The following GRIA4 variants were observed in gnomAD, a reference collection of about 807,000 sequenced individuals.
GRIA4 encodes glutamate ionotropic receptor AMPA type subunit 4.
GRIA4 carries 34 observed loss-of-function variants against 104.0 expected under a neutral mutation model. The ratio of observed to expected loss-of-function variants is 0.33; its 90% CI spans 0.25 to 0.44. The LOEUF is 0.44. Ranked by LOEUF, GRIA4 falls within the 20% of genes least tolerant of loss-of-function variation. The pLI is 1.00. For synonymous variants in GRIA4, 386 were observed against 381.9 expected (o/e 1.01, Z -0.13); for missense variants, 750 against 1,096.5 (o/e 0.68, Z 4.46).
In GRIA4 at chr11:105,689,228, T is replaced by C. The variant is rs150564766; in HGVS notation, c.248-63753T>C. On this transcript the variant is annotated intron_variant, in intron 3 of 16. Transcript: ENST00000282499. Reference sequence around the variant, plus strand: ...TGGAATTTGGTGAAATTGGAGAAAGTGTAATTTGGCAAAAGGGAAAGTGTA... The same window carrying C: ...TGGAATTTGGTGAAATTGGAGAAAGCGTAATTTGGCAAAAGGGAAAGTGTA... Among the ~76,000 whole-genome samples, 1,302 of 152,046 alleles carry C rather than the reference T, an allele frequency of 8.6e-3. 31 individuals carry two copies. The highest frequency in any genetic ancestry group is 0.03 in the African/African-American group (1,231 of 41,496).
intron 5 of GRIA4, among the ~76,000 whole-genome samples, chr11:105,871,156 A>C (rs1041031899): frequency 2.0e-5 from 3 of 152,134 alleles, no homozygotes; most frequent in Non-Finnish European, 4.4e-5. Flanking sequence ...ATATAATGCC[A>C]TATAGTGATA....
chr11:105,923,106 A>T (rs1214051041), intron 11 of GRIA4, among the ~76,000 whole-genome samples: 2 of 152,096 alleles, frequency 1.3e-5, no homozygotes, highest in African/African-American at 4.8e-5. Context: ...CACTGTATAG[A>T]ACCAGGAGCC....
intron 16 of GRIA4, among the ~76,000 whole-genome samples, chr11:105,978,971 TAC>T (rs1859134581): frequency 6.6e-6 from 1 of 152,172 alleles, no homozygotes; most frequent in African/African-American, 2.4e-5. Flanking sequence ...CCCTTTTAAA[TAC>T]AGTTCTTAAA....
intron 14 of GRIA4, among the ~76,000 whole-genome samples, chr11:105,937,601 C>CT (rs549202643): frequency 4.3e-4 from 65 of 152,116 alleles, no homozygotes; most frequent in African/African-American, 1.5e-3. Context: ...TCCTCTGGCG[C>CT]TTAGAATGAT....
At chr11:105,905,790 T>C (rs1350670169) in intron 9 of GRIA4, among the ~76,000 whole-genome samples, 1 of 152,142 alleles carries the variant, frequency 6.6e-6, no homozygotes, top group East Asian at 1.9e-4. Flanking sequence ...GGTAAGATTA[T>C]TATTAGGCTG....
rs1360162920 is a variant in GRIA4 at position 105,637,878 on chromosome 11, CT to C, written c.247+25446del. On this transcript the variant is annotated intron_variant, in intron 3 of 16. Coordinates refer to ENST00000282499, the MANE Select transcript of GRIA4 (RefSeq NM_000829.4). ...TGCAAATGACCATGAAGGAGGATGG[CT>C]TATCACCGATGAAAAACTGGTTGCA... is the stretch of plus-strand genomic sequence containing the variant. Among the ~76,000 whole-genome samples, 4 of 152,088 alleles carry C rather than the reference CT, an allele frequency of 2.6e-5. No individual in the cohort carries two copies. In the East Asian group the frequency reaches 7.7e-4, roughly 29 times the overall value.
intron 4 of GRIA4, among the ~76,000 whole-genome samples, chr11:105,754,781 C>T (rs928934392): frequency 5.9e-5 from 9 of 152,114 alleles, no homozygotes; most frequent in Non-Finnish European, 8.8e-5. Context: ...TTACATAATC[C>T]TAACTCTCTT....
At chr11:105,948,595 G>GTTTTTTTTTTTTTTT (rs3060323) in intron 14 of GRIA4, among the ~76,000 whole-genome samples, 2 of 87,866 alleles carry the variant, frequency 2.3e-5, no homozygotes, top group African/African-American at 9.2e-5. Context: ...TTTTCTTTTT[G>GTTTTTTTTTTTTTTT]TTTTTTTTTT....
chr11:105,634,529 A>AAAGAAAGAAAAG (rs1565420297), intron 3 of GRIA4, among the ~76,000 whole-genome samples: 35 of 90,248 alleles, frequency 3.9e-4, no homozygotes, highest in African/African-American at 1.2e-3. Context: ...AGAAAGAAAG[A>AAAGAAAGAAAAG]AAAGAAAGAA....
chr11:105,887,837 T>C (rs975278920), intron 6 of GRIA4, among the ~76,000 whole-genome samples: 4 of 152,320 alleles, frequency 2.6e-5, no homozygotes, highest in Admixed American at 1.3e-4. Context: ...TCAAATTAAA[T>C]AATTTTCTCT....
At chr11:105,793,464 T>TA (rs1291767358) in intron 4 of GRIA4, among the ~76,000 whole-genome samples, 2 of 152,134 alleles carry the variant, frequency 1.3e-5, no homozygotes, top group African/African-American at 4.8e-5. Flanking sequence ...CAGGGACTAT[T>TA]AAAAATGCAT....
chr11:105,764,886 C>G (rs1285048909), intron 4 of GRIA4, among the ~76,000 whole-genome samples: 1 of 151,904 alleles, frequency 6.6e-6, no homozygotes, highest in Non-Finnish European at 1.5e-5. Flanking sequence ...TGTTTCTTGT[C>G]TAAAAACATG....
intron 4 of GRIA4, among the ~76,000 whole-genome samples, chr11:105,787,206 T>C (rs987357701): frequency 2.0e-5 from 3 of 152,280 alleles, no homozygotes; most frequent in South Asian, 2.1e-4. Context: ...TTTAACTCTA[T>C]GACAAACTCA....
chr11:105,671,354 G>A (rs554567192), intron 3 of GRIA4, among the ~76,000 whole-genome samples: 3 of 152,036 alleles, frequency 2.0e-5, no homozygotes, highest in Admixed American at 2.0e-4. Context: ...TTTTGACTTT[G>A]ATAATAGATC....
intron 6 of GRIA4, among the ~76,000 whole-genome samples, chr11:105,888,502 G>T (rs888201720): frequency 1.3e-5 from 2 of 151,530 alleles, no homozygotes; most frequent in Non-Finnish European, 2.9e-5. Flanking sequence ...TAGCCGGGAT[G>T]GTCTCGATCT....
chr11:105,939,018 A>G (rs774322086), intron 14 of GRIA4, among the ~76,000 whole-genome samples: 2 of 152,180 alleles, frequency 1.3e-5, no homozygotes, highest in African/African-American at 2.4e-5. Context: ...ACAACTCCTC[A>G]TGAAGAAGGA....
In GRIA4 at chr11:105,980,592, GACTCGAAAGAGATGACAGGTC is replaced by G. The variant is rs1276032552; in HGVS notation, c.*858_*878del. Reference sequence around the variant, plus strand: ...GGTTCAATCATCAGTCTGCGGTGTAGACTCGAAAGAGATGACAGGTCACTCATGTTAATGGTATTATTTATA... The same window carrying G: ...GGTTCAATCATCAGTCTGCGGTGTAGACTCATGTTAATGGTATTATTTATA... On this transcript the variant is annotated 3_prime_UTR_variant, in exon 17 of 17. Transcript: ENST00000282499. The G allele has an allele frequency of 6.6e-6, 1 of 152,546 alleles. No homozygotes were observed. Among genetic ancestry groups the G allele is most frequent in the African/African-American group, 2.4e-5 (1 of 41,410 alleles). The allele number at this position is 152,546 out of a possible 1,614,324, so 9.4% of individuals were successfully genotyped here.
chr11:105,736,130 C>T (rs1938926542), intron 3 of GRIA4, among the ~76,000 whole-genome samples: 2 of 152,012 alleles, frequency 1.3e-5, no homozygotes, highest in South Asian at 4.2e-4. Flanking sequence ...TTCAGAGTAC[C>T]CAGACACACT....
In GRIA4 at chr11:105,647,523, C is replaced by G. The variant is rs544018619; in HGVS notation, c.247+35089C>G. Reference sequence around the variant, plus strand: ...TTTACTGAAGCACTATTCACAACAGCAAAGACCTGGAATCAACCTAAATGC... The same window carrying G: ...TTTACTGAAGCACTATTCACAACAGGAAAGACCTGGAATCAACCTAAATGC... On this transcript the variant is annotated intron_variant, in intron 3 of 16. Coordinates refer to ENST00000282499, the MANE Select transcript of GRIA4 (RefSeq NM_000829.4). Among the ~76,000 whole-genome samples the G allele has an allele frequency of 2.6e-5, 4 of 152,210 alleles. No individual in the cohort carries two copies. In the South Asian group the frequency reaches 8.3e-4, roughly 32 times the overall value.
Sources: allele counts gnomAD v4.1 joint callset (sites outside exome capture counted in the v4.1 genomes callset), GRCh38; gene constraint gnomAD v4.1.1; transcripts MANE v1.5; gene names NCBI Gene and HGNC (gene_info 2026-07-23, HGNC 2026-07-21).